CDH10: variants seen among roughly 807,000 people sequenced by gnomAD.
CDH10 encodes the protein cadherin-10.
In CDH10, 30 loss-of-function variants were observed where a neutral mutation model predicts 73.1. The ratio of observed to expected loss-of-function variants is 0.41; its 90% CI spans 0.31 to 0.56. The LOEUF (loss-of-function observed/expected upper bound fraction) is 0.56, where lower values mean the gene tolerates loss of function less well. CDH10 is among the 20% of genes least tolerant of loss of function. The pLI is 0.27. For missense variants in CDH10, 815 were observed against 973.7 expected (o/e 0.84, Z 2.17); for synonymous variants, 345 against 348.2 (o/e 0.99, Z 0.10).
At chr5:24,586,399 C>T (rs1745994365) in intron 2 of CDH10, among the ~76,000 whole-genome samples, 1 of 150,548 alleles carries the variant, frequency 6.6e-6, no homozygotes, top group South Asian at 2.1e-4. Flanking sequence ...CAATTTTAAT[C>T]CACCTACCTG....
At chr5:24,571,764 T>C (rs1335211148) in intron 2 of CDH10, among the ~76,000 whole-genome samples, 3 of 152,110 alleles carry the variant, frequency 2.0e-5, no homozygotes, top group Admixed American at 2.0e-4. Flanking sequence ...ATTAGCTCTC[T>C]GGGAGCAGGA....
intron 5 of CDH10, among the ~76,000 whole-genome samples, chr5:24,524,967 T>G (rs1195760549): frequency 1.3e-5 from 2 of 152,060 alleles, no homozygotes; most frequent in Non-Finnish European, 2.9e-5. Flanking sequence ...CAAAATTTGA[T>G]CAATAGGACC....
chr5:24,573,285 T>A (rs1240842989), intron 2 of CDH10, among the ~76,000 whole-genome samples: 2 of 151,582 alleles, frequency 1.3e-5, no homozygotes, highest in African/African-American at 4.9e-5. Context: ...TGAAAGAGAA[T>A]ACAAGACGAA....
intron 5 of CDH10, among the ~76,000 whole-genome samples, chr5:24,512,284 C>G (rs115283384): frequency 6.6e-6 from 1 of 151,908 alleles, no homozygotes; most frequent in South Asian, 2.1e-4. Context: ...GGATTAGAGA[C>G]GCAAGCCACG....
chr5:24,533,640 C>T (rs1743829307), intron 5 of CDH10, among the ~76,000 whole-genome samples: 1 of 151,960 alleles, frequency 6.6e-6, no homozygotes, highest in African/African-American at 2.4e-5. Context: ...GCTGAATTTG[C>T]ATGTTCATTC....
intron 2 of CDH10, among the ~76,000 whole-genome samples, chr5:24,542,100 T>G (rs1461823866): frequency 6.6e-6 from 1 of 152,168 alleles, no homozygotes; most frequent in African/African-American, 2.4e-5. Context: ...TTTTATAACA[T>G]TTCTTGTAAA....
intron 1 of CDH10, among the ~76,000 whole-genome samples, chr5:24,617,551 A>G (rs1391624873): frequency 6.6e-6 from 1 of 152,198 alleles, no homozygotes; most frequent in African/African-American, 2.4e-5. Flanking sequence ...ATTCTAAATG[A>G]CTTTAAGAGC....
intron 1 of CDH10, among the ~76,000 whole-genome samples, chr5:24,597,106 A>C (rs1466344649): frequency 3.3e-5 from 5 of 152,056 alleles, no homozygotes; most frequent in African/African-American, 1.2e-4. Flanking sequence ...TAATATCAAA[A>C]ATAATTTAAT....
intron 2 of CDH10, among the ~76,000 whole-genome samples, chr5:24,567,323 T>A (rs1745200315): frequency 6.6e-6 from 1 of 151,422 alleles, no homozygotes; most frequent in African/African-American, 2.4e-5. Context: ...CCCTAGGCCA[T>A]GACCCAGAAC....
rs114221412 is a variant in CDH10, at chr5:24,603,706, G to A, written c.-123-10093C>T. Among the ~76,000 whole-genome samples the A allele has an allele frequency of 9.9e-3, 1,493 of 150,936 alleles. 18 individuals are homozygous for A. The highest frequency in any genetic ancestry group is 0.035 in the African/African-American group (1,440 of 40,796). On this transcript the variant is annotated intron_variant, in intron 1 of 11. Coordinates refer to ENST00000264463, the MANE Select transcript of CDH10 (RefSeq NM_006727.5). ...GCAGACCCATAAAATCCTACAACTA[G>A]CATACTTGCTGGAAAAAAAAAATGC...
chr5:24,620,602 C>A lies in CDH10; in HGVS notation c.-124+23992G>T, dbSNP rs187570969. On this transcript the variant is annotated intron_variant, in intron 1 of 11. Transcript: ENST00000264463. The stretch of plus-strand genomic sequence containing the variant: ...GTTAAACTATTTTTCCATATATATA[C>A]TAAGGACAGTACATATACTTGTTAA... 4.4e-3 allele frequency among the ~76,000 whole-genome samples: 670 copies of A among 152,282 alleles called. 2 individuals are homozygous for A. The highest frequency in any genetic ancestry group is 9.3e-3 in the South Asian group (45 of 4,828).
intron 2 of CDH10, among the ~76,000 whole-genome samples, chr5:24,538,362 T>A (rs774236863): frequency 6.6e-6 from 1 of 152,102 alleles, no homozygotes; most frequent in East Asian, 1.9e-4. Context: ...TCTACCTTTT[T>A]AAAAACCTAC....
intron 1 of CDH10, among the ~76,000 whole-genome samples, chr5:24,601,246 G>T (rs1006983107): frequency 2.6e-5 from 4 of 152,074 alleles, no homozygotes; most frequent in African/African-American, 9.7e-5. Flanking sequence ...TCCAGCTTTG[G>T]AAATCAAATT....
chr5:24,565,048 C>T (rs1220521794), intron 2 of CDH10, among the ~76,000 whole-genome samples: 1 of 152,192 alleles, frequency 6.6e-6, no homozygotes, highest in East Asian at 1.9e-4. Context: ...CAGCTCCCAT[C>T]TCTAAGAATG....
intron 1 of CDH10, among the ~76,000 whole-genome samples, chr5:24,620,796 A>G (rs1057505719): frequency 1.4e-4 from 22 of 151,988 alleles, no homozygotes; most frequent in African/African-American, 5.3e-4. Context: ...CTGTATTCAT[A>G]TTAGACATAA....
At position 24,491,759 on chromosome 5, in the gene CDH10, G is replaced by T. The variant is rs1561119113; in HGVS notation, c.1693C>A (p.Pro565Thr). Residue 565 changes from proline to threonine, a missense_variant, in exon 11 of 12, where the codon CCT (proline) becomes ACT (threonine). Pro to Thr is a conservative substitution (Grantham distance 38). Transcript: ENST00000264463. The part of the protein sequence containing the change: ...NRHEISTYLL[P>T]VVISDNDYPI... ...TAATCATTGTCTGATATCACCACAG[G>T]CAAGAGATAGGTACTGATTTCATGT... The T allele has an allele frequency of 1.2e-6, 2 of 1,608,902 alleles. No individual in the cohort carries two copies. Among genetic ancestry groups the T allele is most frequent in the East Asian group, 2.2e-5 (1 of 44,828 alleles).
intron 2 of CDH10, among the ~76,000 whole-genome samples, chr5:24,592,918 A>C (rs1273919832): frequency 6.6e-6 from 1 of 151,546 alleles, no homozygotes; most frequent in Non-Finnish European, 1.5e-5. Flanking sequence ...ATATATATAT[A>C]TATACACATA....
At chr5:24,511,897 G>A (rs1372258604) in intron 5 of CDH10, among the ~76,000 whole-genome samples, 1 of 152,114 alleles carries the variant, frequency 6.6e-6, no homozygotes, top group Non-Finnish European at 1.5e-5. Context: ...AAAATCAAAT[G>A]TCACACGTTA....
At chr5:24,575,139 A>T (rs185426866) in intron 2 of CDH10, among the ~76,000 whole-genome samples, 2,394 of 152,054 alleles carry the variant, frequency 0.016, 30 homozygotes, top group Non-Finnish European at 0.024. Flanking sequence ...AGGCAGGCAG[A>T]TCACCTGAGG....
Sources: gnomAD v4.1 joint callset for allele counts (sites outside exome capture counted in the v4.1 genomes callset) on GRCh38, gnomAD v4.1.1 for gene constraint, MANE v1.5 for transcripts, NCBI Gene and HGNC (gene_info 2026-07-23, HGNC 2026-07-21) for gene names.